The following SYNPO variants were observed in gnomAD, a reference collection of about 807,000 sequenced individuals.
The protein encoded by SYNPO is synaptopodin.
In SYNPO, 19 loss-of-function variants were observed where a neutral mutation model predicts 49.5. That is an observed-to-expected ratio of 0.38 (90% confidence interval 0.27 to 0.56). The LOEUF (loss-of-function observed/expected upper bound fraction) is 0.56, where lower values mean the gene tolerates loss of function less well. Ranked by LOEUF, SYNPO falls within the 20% of genes least tolerant of loss-of-function variation. SYNPO has a pLI of 0.68. For synonymous variants in SYNPO, 536 were observed against 548.0 expected, an observed-to-expected ratio of 0.98 and a Z score of 0.31; for missense variants, 1,131 against 1,248.3, an observed-to-expected ratio of 0.91 and a Z score of 1.42.
At chr5:150,625,951 G>C (rs1310968914) in intron 2 of SYNPO, among the ~76,000 whole-genome samples, 1 of 152,210 alleles carries the variant, frequency 6.6e-6, no homozygotes, top group Non-Finnish European at 1.5e-5. Flanking sequence ...CTTGGCCTCC[G>C]GTGAGAGGGT....
At chr5:150,586,636 G>C in the SYNPO span, among the ~76,000 whole-genome samples, 1 of 152,052 alleles carries the variant, frequency 6.6e-6, no homozygotes, top group East Asian at 1.9e-4. Context: ...ACTTTGGTTT[G>C]TTATTATATA....
At chr5:150,594,057 C>T in the SYNPO span, among the ~76,000 whole-genome samples, 5 of 152,330 alleles carry the variant, frequency 3.3e-5, no homozygotes, top group East Asian at 7.7e-4. Context: ...CCCTGCACGG[C>T]TGTGCTGACC....
At position 150,648,824 on chromosome 5, in the gene SYNPO, A is replaced by C. The variant is rs1255280726; in HGVS notation, c.549A>C (p.Pro183=). Residue 183 remains proline (P), a synonymous_variant, in exon 2 of 3, where the codon CCA becomes CCC. Coordinates refer to ENST00000307662, the MANE Select transcript of SYNPO (RefSeq NM_007286.6). This position sits in a 1 kb window ranked among gnomAD's most constrained non-coding sequence, Gnocchi z 5.0. ...EATLIPSSRP[P]ASDFMSSSLL... is the part of the protein sequence containing the mutation. ...CGCTCATCCCCAGCTCCAGGCCCCCAGCCTCAGATTTCATGTCCAGCTCCC... is the reference window on the plus strand; with the variant it reads ...CGCTCATCCCCAGCTCCAGGCCCCCCGCCTCAGATTTCATGTCCAGCTCCC... The C allele has an allele frequency of 6.2e-7, 1 of 1,614,032 alleles. No homozygotes were observed. The highest frequency in any genetic ancestry group is 1.3e-5 in the African/African-American group (1 of 74,912).
the SYNPO span, among the ~76,000 whole-genome samples, chr5:150,593,854 T>A: frequency 6.6e-6 from 1 of 151,852 alleles, no homozygotes; most frequent in Non-Finnish European, 1.5e-5. Context: ...GGTGTCTGGG[T>A]TTGGTGGGTA....
rs1217134112 is a variant in SYNPO at position 150,656,873 on chromosome 5, C to T, written c.2498C>T (p.Ser833Leu). ...IPRSPLPAGP[S>L]SCTSPRSPLP... The stretch of plus-strand genomic sequence containing the variant: ...CGGAGCCCGTTGCCCGCCGGTCCTT[C>T]GTCCTGCACCAGTCCCCGGAGCCCG... The change falls in exon 3 of 3, where the codon TCG (serine) becomes TTG (leucine). Residue 833 changes from serine (S) to leucine (L), a missense_variant. This residue lies in a region of SYNPO where 509 missense variants were observed against 484.5 expected (regional missense o/e 1.05). Transcript: ENST00000307662. 2 of 1,574,654 alleles carry T rather than the reference C, an allele frequency of 1.3e-6. No homozygotes were observed. The highest frequency in any genetic ancestry group is 1.7e-6 in the Non-Finnish European group (2 of 1,162,060).
At chr5:150,618,386 C>T (rs562420514) in exon 2 of SYNPO, 1 of 1,550,652 alleles carries the variant, frequency 6.4e-7, no homozygotes, top group African/African-American at 1.4e-5. Context: ...TCCTCACCTC[C>T]CACCTCCGCC....
In SYNPO at chr5:150,657,423, C is replaced by G. The variant is rs1475823105; in HGVS notation, c.*336C>G. Reference sequence around the variant, plus strand: ...GCACACACACTCTCTCTTTCTCTCTCTCTCTCTCTCACACACACACACACA... The same window carrying G: ...GCACACACACTCTCTCTTTCTCTCTGTCTCTCTCTCACACACACACACACA... On this transcript the variant is annotated 3_prime_UTR_variant, in exon 3 of 3. Coordinates refer to ENST00000307662, the MANE Select transcript of SYNPO (RefSeq NM_007286.6). 1 of 174,194 alleles carries G rather than the reference C, an allele frequency of 5.7e-6. No individual in the cohort carries two copies. The highest frequency in any genetic ancestry group is 7.2e-5 in the Admixed American group (1 of 13,966). 10.8% of individuals were successfully genotyped at this position (174,194 alleles called of 1,614,324 possible). A position where few individuals can be genotyped will look rare whatever the true frequency, so the allele number is the denominator to read the frequency against.
rs919468477 is a variant in SYNPO at position 150,647,961 on chromosome 5, A to G, written c.-315A>G. ...CCCTGTAGCGTTGGGCCGGAGCACT[A>G]GCCTCACGGAGAAGGATCTGAAAGA... On this transcript the variant is annotated 5_prime_UTR_variant, in exon 2 of 3. Coordinates refer to ENST00000307662, the MANE Select transcript of SYNPO (RefSeq NM_007286.6). The G allele has an allele frequency of 2.6e-6, 4 of 1,551,692 alleles. No individual in the cohort carries two copies. Among genetic ancestry groups the G allele is most frequent in the Admixed American group, 2.0e-5 (1 of 50,990 alleles).
Position 150,648,392 on chromosome 5 carries a change from C to A in SYNPO, c.117C>A (p.Ala39=), listed in dbSNP as rs1208946884. The A allele has an allele frequency of 4.3e-6, 7 of 1,614,066 alleles. No individual in the cohort carries two copies. The highest frequency in any genetic ancestry group is 5.9e-6 in the Non-Finnish European group (7 of 1,180,034). Residue 39 remains alanine, a synonymous_variant, in exon 2 of 3, where the codon GCC becomes GCA. Transcript: ENST00000307662. This position sits in a 1 kb window ranked among gnomAD's most constrained non-coding sequence, Gnocchi z 5.0. The part of the protein sequence containing the change: ...YLKENAALLT[A]NGLHLSQNRE... ...AGGAGAATGCAGCACTGCTGACAGCCAATGGGCTGCACCTGTCCCAAAACC... is the reference window on the plus strand; with the variant it reads ...AGGAGAATGCAGCACTGCTGACAGCAAATGGGCTGCACCTGTCCCAAAACC...
chr5:150,645,379 C>T (rs1758053101), intron 1 of SYNPO, among the ~76,000 whole-genome samples: 1 of 152,184 alleles, frequency 6.6e-6, no homozygotes, highest in South Asian at 2.1e-4. Flanking sequence ...ATTTTCTTAG[C>T]CACTGATGTT....
chr5:150,655,461 G>A (rs938753177), intron 2 of SYNPO, among the ~76,000 whole-genome samples: 15 of 152,108 alleles, frequency 9.9e-5, no homozygotes, highest in African/African-American at 1.7e-4. Flanking sequence ...CCCTGGGCCC[G>A]GGACCTCCCT....
At chr5:150,594,021 G>T in the SYNPO span, among the ~76,000 whole-genome samples, 6,357 of 152,256 alleles carry the variant, frequency 0.042, 439 homozygotes, top group African/African-American at 0.14. Context: ...GGGGCAGGGG[G>T]TGTCCCTGCT....
rs1758279954 is a variant in SYNPO, at chr5:150,649,702, C to T, written c.1427C>T (p.Ala476Val). 6.2e-7 allele frequency: 1 copy of T among 1,612,146 alleles called. No homozygotes were observed. The highest frequency in any genetic ancestry group is 8.5e-7 in the Non-Finnish European group (1 of 1,180,022). The change falls in exon 2 of 3, where the codon GCC becomes GTC. Residue 476 changes from alanine to valine, a missense_variant. This residue lies in a region of SYNPO where 602 missense variants were observed against 720.7 expected (regional missense o/e 0.84). Transcript: ENST00000307662. ...AAACCCAACCAGAACCTCTCCGAGG[C>T]CTCTGGGAAGGGAGCTGAGCTCTAC... ...KPKPNQNLSE[A>V]SGKGAELYAR...
At chr5:150,627,298 G>A (rs904343068) in intron 2 of SYNPO, among the ~76,000 whole-genome samples, 2 of 152,192 alleles carry the variant, frequency 1.3e-5, no homozygotes, top group African/African-American at 4.8e-5. Context: ...GACAGCAGCA[G>A]GATAGATCTG....
intron 1 of SYNPO, among the ~76,000 whole-genome samples, chr5:150,609,786 C>CGAG (rs1756794480): frequency 9.5e-6 from 1 of 105,418 alleles, no homozygotes; most frequent in South Asian, 3.1e-4. Flanking sequence ...GTGAATGTGG[C>CGAG]GGGGGGGGGC....
intron 2 of SYNPO, chr5:150,651,011 G>A (rs1238857214): frequency 2.6e-5 from 32 of 1,231,630 alleles, no homozygotes; most frequent in Non-Finnish European, 3.0e-5. Flanking sequence ...CCCCCTCTGA[G>A]GCCTGGCTCT....
At chr5:150,586,517 G>A in the SYNPO span, among the ~76,000 whole-genome samples, 1 of 152,200 alleles carries the variant, frequency 6.6e-6, no homozygotes, top group South Asian at 2.1e-4. Context: ...CTTTTCCTAT[G>A]CTGGGTAGGT....
exon 2 of SYNPO, chr5:150,618,733 C>T (rs754473912): frequency 6.4e-7 from 1 of 1,551,320 alleles, no homozygotes; most frequent in Non-Finnish European, 8.7e-7. Flanking sequence ...CCAGCCCCAG[C>T]CCTGGCCCTG....
At position 150,657,430 on chromosome 5, in the gene SYNPO, T is replaced by TCTCA; in HGVS notation, c.*345_*348dup. On this transcript the variant is annotated 3_prime_UTR_variant, in exon 3 of 3. Transcript: ENST00000307662. ...CACTCTCTCTTTCTCTCTCTCTCTC[T>TCTCA]CTCACACACACACACACACACACAC... The TCTCA allele has an allele frequency of 6.4e-6, 1 of 157,346 alleles. No individual in the cohort carries two copies. Among genetic ancestry groups the TCTCA allele is most frequent in the Non-Finnish European group, 1.2e-5 (1 of 84,092 alleles). The allele number at this position is 157,346 out of a possible 1,614,324, so 9.7% of individuals were successfully genotyped here.
Sources: allele counts gnomAD v4.1 joint callset (sites outside exome capture counted in the v4.1 genomes callset), GRCh38; gene constraint gnomAD v4.1.1; regional missense constraint gnomAD v4.1.1; non-coding constraint Gnocchi (gnomAD v3.1); transcripts MANE v1.5; gene names NCBI Gene and HGNC (gene_info 2026-07-23, HGNC 2026-07-21).